BCORL1: variants seen among roughly 807,000 people sequenced by gnomAD.
BCORL1 encodes the protein BCL-6 corepressor-like protein 1.
A neutral mutation model predicts 87.6 loss-of-function variants in BCORL1; 7 were observed. The ratio of observed to expected loss-of-function variants is 0.08; its 90% CI spans 0.05 to 0.15. The LOEUF is 0.15. BCORL1 is among the 10% of genes least tolerant of loss of function. The pLI, the probability that BCORL1 is intolerant of heterozygous loss-of-function variation, is 1.00. For synonymous variants in BCORL1, 591 were observed against 634.4 expected (o/e 0.93, Z 1.03); for missense variants, 1,215 against 1,499.7 (o/e 0.81, Z 3.13).
In BCORL1 at chrX:130,012,646, G is replaced by T. The variant is rs1929058477; in HGVS notation, c.155G>T (p.Cys52Phe). The change falls in exon 3 of 14, where the codon TGT becomes TTT. Residue 52 changes from cysteine to phenylalanine, a missense_variant. Cys to Phe is a radical substitution (Grantham distance 205). Coordinates refer to ENST00000540052, the MANE Select transcript of BCORL1 (RefSeq NM_001379451.1). ...CAGCACTTTGGATCTCAGGAGTTTTGTGTCAGCAGCAGTTTTTCCAAGGTA... is the reference window on the plus strand; with the variant it reads ...CAGCACTTTGGATCTCAGGAGTTTTTTGTCAGCAGCAGTTTTTCCAAGGTA... ...DCQHFGSQEF[C>F]VSSSFSKVEL... 1 of 1,209,723 alleles carries T rather than the reference G, an allele frequency of 8.3e-7. No homozygotes were observed. Among genetic ancestry groups the T allele is most frequent in the African/African-American group, 1.7e-5 (1 of 57,308 alleles).
At chrX:129,997,545 G>A (rs1330442422) in intron 1 of BCORL1, among the ~76,000 whole-genome samples, 2 of 110,253 alleles carry the variant, frequency 1.8e-5, no homozygotes, top group East Asian at 2.8e-4. Context: ...TGTAATCCCA[G>A]TACTTTTGGA....
chrX:129,982,908 C>T (rs1198552506), intron 1 of BCORL1, 146 bp downstream of exon 1: 4 of 110,505 alleles, frequency 3.6e-5, no homozygotes, highest in Non-Finnish European at 7.6e-5. Context: ...TTTTTTCTCT[C>T]TCCCCCAATC....
In BCORL1 at chrX:130,005,274, A is replaced by T. The variant is rs1569362324; in HGVS notation, c.43A>T (p.Thr15Ser). ...APLYSGVHNW[T>S]SSDRIRMCGI... ...GCTCTACAGCGGCGTGCACAACTGG[A>T]CCAGTTCTGACCGGATTCGCATGTG... The change falls in exon 2 of 14, where the codon ACC becomes TCC. Residue 15 changes from threonine (T) to serine (S), a missense_variant. Physicochemically the swap from Thr to Ser is moderately conservative, Grantham distance 58. Around this residue, in one of 5 missense-constraint regions of BCORL1, gnomAD observed 861 missense variants for 1,010.0 expected, o/e 0.85. Transcript: ENST00000540052. The T allele has an allele frequency of 8.3e-7, 1 of 1,211,506 alleles. No homozygotes were observed.
At chrX:130,037,312 A>T in intron 9 of BCORL1, 55 bp from the exon 10 acceptor site, 1 of 1,154,027 alleles carries the variant, frequency 8.7e-7, no homozygotes, top group Admixed American at 2.2e-5. Flanking sequence ...TCAGGGTTAT[A>T]TAAGTTCAAG....
intron 11 of BCORL1, among the ~76,000 whole-genome samples, chrX:130,042,997 T>G (rs866130747): frequency 3.3e-5 from 3 of 91,509 alleles, no homozygotes; most frequent in Non-Finnish European, 6.6e-5. Context: ...TTAAAAAAAA[T>G]AAAGTGAACA....
chrX:130,050,008 T>C (rs978077865), intron 11 of BCORL1, among the ~76,000 whole-genome samples: 3 of 111,483 alleles, frequency 2.7e-5, no homozygotes, highest in African/African-American at 9.8e-5. Context: ...CCAGCCCGCG[T>C]GTGTCCCTGT....
intron 1 of BCORL1, among the ~76,000 whole-genome samples, chrX:129,986,950 A>G (rs762190275): frequency 3.6e-5 from 4 of 112,336 alleles, no homozygotes; most frequent in Admixed American, 9.5e-5. Context: ...TGAGAGAAAC[A>G]GAATTATGGG....
intron 8 of BCORL1, among the ~76,000 whole-genome samples, chrX:130,030,759 C>T (rs1010706920): frequency 6.3e-5 from 7 of 110,284 alleles, no homozygotes; most frequent in East Asian, 2.8e-4. Context: ...AGGTAACCAG[C>T]GCTCGAGATT....
At position 130,037,468 on chromosome X, in the gene BCORL1, C is replaced by T; in HGVS notation, c.4629C>T (p.Thr1543=). 4 of 1,211,634 alleles carry T rather than the reference C, an allele frequency of 3.3e-6. No individual in the cohort carries two copies. Among genetic ancestry groups the T allele is most frequent in the South Asian group, 3.5e-5 (2 of 56,979 alleles). ...ATGAGGCTTGTTCCCGGGGCTGGAC[C>T]GACATCCTGAACATCCTGCTGGAGC... ...ALHEACSRGW[T]DILNILLEHG... is the part of the protein sequence containing the mutation. Residue 1543 remains threonine, a synonymous_variant, in exon 10 of 14, where the codon ACC becomes ACT. Transcript: ENST00000540052.
intron 13 of BCORL1, among the ~76,000 whole-genome samples, chrX:130,055,075 G>A (rs763656819): frequency 9.0e-6 from 1 of 111,365 alleles, no homozygotes; most frequent in East Asian, 2.9e-4. Context: ...AGTGAGGAGG[G>A]AAAACCCTGT....
chrX:130,005,159 T>C, intron 1 of BCORL1, 29 bp from the exon 2 acceptor site: 1 of 937,757 alleles, frequency 1.1e-6, no homozygotes, highest in Non-Finnish European at 1.5e-6. Context: ...CTGTTACGAG[T>C]TTTGATTTTC....
chrX:130,001,287 C>A (rs1236356306), intron 1 of BCORL1, among the ~76,000 whole-genome samples: 1 of 111,686 alleles, frequency 9.0e-6, no homozygotes, highest in African/African-American at 3.3e-5. Context: ...TGGGGTTTCC[C>A]CATGTTGGCT....
intron 11 of BCORL1, among the ~76,000 whole-genome samples, chrX:130,041,736 C>T (rs1288299481): frequency 1.8e-5 from 2 of 111,356 alleles, no homozygotes; most frequent in African/African-American, 6.5e-5. Flanking sequence ...ACACCATTCT[C>T]CTGCCTCAGC....
At chrX:130,047,188 G>A (rs1291396317) in intron 11 of BCORL1, among the ~76,000 whole-genome samples, 2 of 111,738 alleles carry the variant, frequency 1.8e-5, no homozygotes, top group Non-Finnish European at 3.8e-5. Context: ...GGGCTGCTGT[G>A]AGCACGCATG....
intron 1 of BCORL1, among the ~76,000 whole-genome samples, chrX:129,987,601 A>C (rs1463923210): frequency 8.9e-6 from 1 of 112,101 alleles, no homozygotes; most frequent in Non-Finnish European, 1.9e-5. Context: ...TCCAGTCTGC[A>C]GGTGGGAAGG....
intron 1 of BCORL1, among the ~76,000 whole-genome samples, chrX:129,995,480 A>G (rs1412505218): frequency 9.1e-6 from 1 of 110,287 alleles, no homozygotes; most frequent in Non-Finnish European, 1.9e-5. Flanking sequence ...TAGCTCTGTC[A>G]CCCAGGCTGG....
At chrX:130,052,934 G>A (rs1004290144) in intron 13 of BCORL1, among the ~76,000 whole-genome samples, 8 of 112,065 alleles carry the variant, frequency 7.1e-5, no homozygotes, top group Non-Finnish European at 1.3e-4. Flanking sequence ...TTGAGGCCAG[G>A]AGTTCCAGAC....
intron 2 of BCORL1, among the ~76,000 whole-genome samples, chrX:130,008,528 G>C (rs1928692380): frequency 9.0e-6 from 1 of 111,299 alleles, no homozygotes; most frequent in Non-Finnish European, 1.9e-5. Context: ...CTCCCAAAGT[G>C]TTGAGATTAC....
In BCORL1 at chrX:130,015,837, T is replaced by C. The variant is rs760649571; in HGVS notation, c.3065T>C (p.Ile1022Thr). Residue 1022 changes from isoleucine to threonine, a missense_variant, in exon 4 of 14, where the codon ATA becomes ACA. Ile to Thr is a moderately conservative substitution (Grantham distance 89, BLOSUM62 -1). Transcript: ENST00000540052. ...LPHDSHPKEL[I>T]LDVVPSSRRG... ...CACGACAGCCACCCCAAGGAACTTA[T>C]ATTGGACGTGGTTCCGAGCAGCAGG... 61 of 1,209,876 alleles carry C rather than the reference T, an allele frequency of 5.0e-5. No homozygotes were observed. The highest frequency in any genetic ancestry group is 6.1e-5 in the Non-Finnish European group (55 of 895,193).
Sources: gnomAD v4.1 joint callset for allele counts (sites outside exome capture counted in the v4.1 genomes callset) on GRCh38, gnomAD v4.1.1 for gene constraint, gnomAD v4.1.1 regional missense constraint, MANE v1.5 for transcripts, NCBI Gene and HGNC (gene_info 2026-07-23, HGNC 2026-07-21) for gene names.